Variants in NCOA1 observed in about 807,000 individuals in gnomAD.
The protein encoded by NCOA1 is Hin-2 protein.
NCOA1 carries 35 observed loss-of-function variants against 150.9 expected under a neutral mutation model. The ratio of observed to expected loss-of-function variants is 0.23; its 90% CI spans 0.18 to 0.31. The LOEUF (loss-of-function observed/expected upper bound fraction) is 0.31. NCOA1 is among the 10% of genes least tolerant of loss of function. The pLI, the probability that NCOA1 is intolerant of heterozygous loss-of-function variation, is 1.00. For missense variants in NCOA1, 1,491 were observed against 1,749.3 expected (o/e 0.85, Z 2.63); for synonymous variants, 590 against 630.0 (o/e 0.94, Z 0.95).
At chr2:24,502,573 G>A (rs1019284644) in intron 1 of NCOA1, among the ~76,000 whole-genome samples, 9 of 152,108 alleles carry the variant, frequency 5.9e-5, no homozygotes, top group African/African-American at 2.2e-4. Context: ...AGATAAAGTT[G>A]TTCCTTAGCC....
chr2:24,688,637 T>C (rs573866220), intron 8 of NCOA1, among the ~76,000 whole-genome samples: 20 of 152,366 alleles, frequency 1.3e-4, no homozygotes, highest in Non-Finnish European at 2.6e-4. Flanking sequence ...TCCTTATGAA[T>C]ACTGGATATT....
At chr2:24,691,110 G>A (rs1446880273) in intron 8 of NCOA1, among the ~76,000 whole-genome samples, 1 of 152,124 alleles carries the variant, frequency 6.6e-6, no homozygotes, top group Non-Finnish European at 1.5e-5. Flanking sequence ...TGTACCTGTG[G>A]TTTTGAATCA....
chr2:24,594,739 G>A (rs1667820878), intron 3 of NCOA1, among the ~76,000 whole-genome samples: 1 of 152,028 alleles, frequency 6.6e-6, no homozygotes, highest in African/African-American at 2.4e-5. Flanking sequence ...ACAGTTGAAA[G>A]CATTTTAAAT....
At chr2:24,521,369 A>G (rs1280119468) in intron 1 of NCOA1, among the ~76,000 whole-genome samples, 1 of 152,176 alleles carries the variant, frequency 6.6e-6, no homozygotes, top group Non-Finnish European at 1.5e-5. Flanking sequence ...ATAACCTTTG[A>G]CTAACATCTC....
At chr2:24,754,281 C>G (rs893236875) in intron 20 of NCOA1, among the ~76,000 whole-genome samples, 1 of 152,144 alleles carries the variant, frequency 6.6e-6, no homozygotes, top group Admixed American at 6.6e-5. Flanking sequence ...GTCCTTTACG[C>G]ACAACTCATC....
chr2:24,508,160 A>C (rs1663784088), intron 1 of NCOA1, among the ~76,000 whole-genome samples: 1 of 152,168 alleles, frequency 6.6e-6, no homozygotes, highest in Non-Finnish European at 1.5e-5. Context: ...GCTTTCTTTT[A>C]AGCTTTAATT....
intron 1 of NCOA1, among the ~76,000 whole-genome samples, chr2:24,560,823 A>C (rs554194217): frequency 6.6e-6 from 1 of 152,316 alleles, no homozygotes; most frequent in South Asian, 2.1e-4. Context: ...ATAAAAGATA[A>C]AGTGACGTAC....
intron 3 of NCOA1, among the ~76,000 whole-genome samples, chr2:24,630,149 C>T (rs1669641176): frequency 6.6e-6 from 1 of 152,078 alleles, no homozygotes; most frequent in African/African-American, 2.4e-5. Flanking sequence ...CCGGCCGTAA[C>T]TTATTAATGT....
Position 24,665,928 on chromosome 2 carries a change from A to G in NCOA1, c.256+13A>G, listed in dbSNP as rs748741953. On this transcript the variant is annotated intron_variant, in intron 6 of 22. Transcript: ENST00000348332. ...AGAATGGAACAAGGTAAAAAAGAAA[A>G]AGAAAACCCATGGCTGTGTGCTTTG... 7.1e-7 allele frequency: 1 copy of G among 1,417,500 alleles called. No individual in the cohort carries two copies. The highest frequency in any genetic ancestry group is 2.6e-5 in the Admixed American group (1 of 38,672). 87.8% of individuals were successfully genotyped at this position (1,417,500 alleles called of 1,614,324 possible).
chr2:24,736,926 C>A lies in NCOA1; in HGVS notation c.3202-2506C>A, dbSNP rs1663339833. ...TTTTAGGTTTCCTATAGGAGGACTT[C>A]TTGGTAAAGCACTGGGAAGAAAATC... On this transcript the variant is annotated intron_variant, in intron 17 of 22. Coordinates refer to ENST00000348332, the MANE Select transcript of NCOA1 (RefSeq NM_003743.5). Among the ~76,000 whole-genome samples the A allele has an allele frequency of 2.0e-5, 3 of 152,296 alleles. No homozygotes were observed. The South Asian group carries it at 6.2e-4, about 32-fold the overall frequency.
intron 15 of NCOA1, 120 bp from the exon 16 acceptor site, chr2:24,728,188 T>C: frequency 2.8e-6 from 2 of 704,308 alleles, no homozygotes; most frequent in Non-Finnish European, 4.4e-6. Flanking sequence ...GGCATTAGAA[T>C]TGCCAAGCAT....
At chr2:24,497,457 C>G (rs1663271676) in intron 1 of NCOA1, among the ~76,000 whole-genome samples, 1 of 152,072 alleles carries the variant, frequency 6.6e-6, no homozygotes, top group African/African-American at 2.4e-5. Flanking sequence ...GCAGGCAGAT[C>G]ATGAGGTCAG....
intron 4 of NCOA1, among the ~76,000 whole-genome samples, chr2:24,645,298 T>C (rs1326726044): frequency 1.4e-5 from 2 of 147,568 alleles, no homozygotes; most frequent in Non-Finnish European, 3.0e-5. Context: ...GAGACCATCC[T>C]GGCTAACAAG....
chr2:24,689,061 G>T (rs1245838001), intron 8 of NCOA1, among the ~76,000 whole-genome samples: 1 of 152,058 alleles, frequency 6.6e-6, no homozygotes, highest in Non-Finnish European at 1.5e-5. Context: ...GGCTGTAGGT[G>T]TGCCGCCCTA....
At chr2:24,676,152 T>C (rs1671902113) in intron 7 of NCOA1, among the ~76,000 whole-genome samples, 1 of 152,206 alleles carries the variant, frequency 6.6e-6, no homozygotes, top group Non-Finnish European at 1.5e-5. Context: ...TGACCAGTGC[T>C]ATGATAACAT....
At chr2:24,711,206 A>T (rs1160454811) in intron 14 of NCOA1, 95 bp downstream of exon 14, 2 of 1,217,120 alleles carry the variant, frequency 1.6e-6, no homozygotes, top group African/African-American at 1.5e-5. Context: ...CCTTTGCTTA[A>T]GAGTGAAATA....
intron 20 of NCOA1, among the ~76,000 whole-genome samples, chr2:24,756,071 TAAA>T (rs369987098): frequency 9.2e-6 from 1 of 108,220 alleles, no homozygotes; most frequent in African/African-American, 3.9e-5. Flanking sequence ...CCATCTCTAC[TAAA>T]AAAAAAAAAA....
At chr2:24,625,908 T>C (rs1669386969) in intron 3 of NCOA1, among the ~76,000 whole-genome samples, 1 of 152,238 alleles carries the variant, frequency 6.6e-6, no homozygotes. Flanking sequence ...TTTAAATTTA[T>C]TTCGACTTAT....
intron 1 of NCOA1, among the ~76,000 whole-genome samples, chr2:24,507,125 A>G (rs928556018): frequency 2.1e-4 from 32 of 152,222 alleles, no homozygotes; most frequent in African/African-American, 7.2e-4. Flanking sequence ...GAGCTAATAT[A>G]TGATGGGCAA....
Sources: gnomAD v4.1 joint callset for allele counts (sites outside exome capture counted in the v4.1 genomes callset) on GRCh38, gnomAD v4.1.1 for gene constraint, MANE v1.5 for transcripts, NCBI Gene and HGNC (gene_info 2026-07-23, HGNC 2026-07-21) for gene names.